Variants in PELP1 observed in about 807,000 individuals in gnomAD.
PELP1 encodes proline-, glutamic acid- and leucine-rich protein 1.
In PELP1, 32 loss-of-function variants were observed where a neutral mutation model predicts 95.5. That is an observed-to-expected ratio of 0.34 (90% CI 0.25 to 0.45). The LOEUF (loss-of-function observed/expected upper bound fraction) is 0.45, where lower values mean the gene tolerates loss of function less well. Among genes scored for constraint, PELP1 ranks in the 20% least tolerant of loss-of-function variants. The pLI, the probability that PELP1 is intolerant of heterozygous loss-of-function variation, is 1.00. For missense variants in PELP1, 1,358 were observed against 1,444.8 expected (o/e 0.94, Z 0.97); for synonymous variants, 668 against 600.1 (o/e 1.11, Z -1.65).
intron 1 of PELP1, among the ~76,000 whole-genome samples, chr17:4,694,426 C>T (rs1158625884): frequency 7.0e-6 from 1 of 142,786 alleles, no homozygotes; most frequent in Non-Finnish European, 1.5e-5. Flanking sequence ...CCAAGGTGGG[C>T]AGACCACCTG....
At chr17:4,694,907 T>C (rs936613972) in intron 1 of PELP1, among the ~76,000 whole-genome samples, 3 of 150,548 alleles carry the variant, frequency 2.0e-5, no homozygotes, top group Non-Finnish European at 4.4e-5. Context: ...AGAGAATCGC[T>C]TGAACCCGGG....
In PELP1 at chr17:4,673,477, C is replaced by T. The variant is rs1912324648; in HGVS notation, c.1639-21G>A. The T allele has an allele frequency of 1.3e-6, 2 of 1,580,950 alleles. No homozygotes were observed. Among genetic ancestry groups the T allele is most frequent in the East Asian group, 2.3e-5 (1 of 43,572 alleles). On this transcript the variant is annotated intron_variant, in intron 14 of 16. Coordinates refer to ENST00000572293, the MANE Select transcript of PELP1 (RefSeq NM_014389.3). The surrounding 1 kb of genome is among the most constrained non-coding windows in gnomAD (Gnocchi z 5.7). ...AGTCTCTGAAAAGGACAGAGCACAC[C>T]TGGAAACATCCCCAAGACCACCCAA... is the stretch of plus-strand genomic sequence containing the variant.
rs1428808981 is a variant in PELP1, at chr17:4,670,048, T to G, written c.*1391A>C. 3 of 152,190 alleles carry G rather than the reference T, an allele frequency of 2.0e-5. No individual in the cohort carries two copies. The highest frequency in any genetic ancestry group is 1.3e-4 in the Admixed American group (2 of 15,274). The allele number at this position is 152,190 out of a possible 1,614,324, so 9.4% of individuals were successfully genotyped here. A position where few individuals can be genotyped will look rare whatever the true frequency, so the allele number is the denominator to read the frequency against. ...CATGTCTACATGTAGATACGCAGTT[T>G]ATAGGGATAAGAGTTAACATGACTA... On this transcript the variant is annotated 3_prime_UTR_variant, in exon 17 of 17. Transcript: ENST00000572293.
intron 3 of PELP1, among the ~76,000 whole-genome samples, chr17:4,690,024 G>A (rs553584578): frequency 1.6e-4 from 24 of 152,044 alleles, no homozygotes; most frequent in Non-Finnish European, 2.9e-4. Context: ...AAACTCTGTC[G>A]AGAGAGAGAC....
At position 4,683,405 on chromosome 17, in the gene PELP1, A is replaced by T. The variant is rs555828603; in HGVS notation, c.421-453T>A. 3.6e-4 allele frequency among the ~76,000 whole-genome samples: 54 copies of T among 151,828 alleles called. 1 individual carries two copies. Among genetic ancestry groups the T allele is most frequent in the Admixed American group, 1.4e-3 (22 of 15,260 alleles). Reference sequence around the variant, plus strand: ...CTGACTAATTTTTTGTATTTTTAGTAGAGACGGGGTTTCACTATGTTAGCC... The same window carrying T: ...CTGACTAATTTTTTGTATTTTTAGTTGAGACGGGGTTTCACTATGTTAGCC... On this transcript the variant is annotated intron_variant, in intron 3 of 16. Coordinates refer to ENST00000572293, the MANE Select transcript of PELP1 (RefSeq NM_014389.3).
chr17:4,684,988 C>CA (rs1912854003), intron 3 of PELP1, among the ~76,000 whole-genome samples: 1 of 152,070 alleles, frequency 6.6e-6, no homozygotes, highest in Admixed American at 6.6e-5. Flanking sequence ...GGTGAGCCAC[C>CA]AAAAAAGTCT....
Position 4,675,171 on chromosome 17 carries a change from A to G in PELP1, c.1182T>C (p.Phe394=). 1.2e-6 allele frequency: 2 copies of G among 1,613,812 alleles called. No individual in the cohort carries two copies. Among genetic ancestry groups the G allele is most frequent in the East Asian group, 2.2e-5 (1 of 44,870 alleles). The change falls in exon 11 of 17, where the codon TTT becomes TTC. Residue 394 remains phenylalanine, a synonymous_variant. Transcript: ENST00000572293. The surrounding 1 kb of genome is among the most constrained non-coding windows in gnomAD (Gnocchi z 4.3). The part of the protein sequence containing the change: ...ILACGSRLLR[F]GILIGRLLPQ... ...GAAGCAGGCGGCCGATCAGGATCCC[A>G]AAGCGCAAGAGCCGGCTTCCACACC... is the stretch of plus-strand genomic sequence containing the variant.
chr17:4,678,225 A>AT (rs931605028), intron 5 of PELP1, among the ~76,000 whole-genome samples: 12 of 152,210 alleles, frequency 7.9e-5, no homozygotes, highest in Non-Finnish European at 1.6e-4. Context: ...GAAAAAAAAA[A>AT]GAATTAGTAA....
chr17:4,685,310 C>A (rs1399700350), intron 3 of PELP1, among the ~76,000 whole-genome samples: 1 of 152,176 alleles, frequency 6.6e-6, no homozygotes, highest in South Asian at 2.1e-4. Flanking sequence ...TTGGCCCCCC[C>A]AGCCCGCAAT....
chr17:4,689,120 T>C (rs892146924), intron 3 of PELP1, among the ~76,000 whole-genome samples: 1 of 152,162 alleles, frequency 6.6e-6, no homozygotes, highest in Non-Finnish European at 1.5e-5. Context: ...AACAAATGGT[T>C]CTGGGATAAT....
Position 4,671,304 on chromosome 17 carries a change from C to T in PELP1, c.*135G>A. 1.5e-6 allele frequency: 1 copy of T among 655,426 alleles called. No homozygotes were observed. The allele number at this position is 655,426 out of a possible 1,614,324, so 40.6% of individuals were successfully genotyped here. On this transcript the variant is annotated 3_prime_UTR_variant, in exon 17 of 17. Transcript: ENST00000572293. ...CAGCTATGGAGACATCTGGGGAATA[C>T]TATGGACACCCTGAAAAGCCCAGCA...
intron 1 of PELP1, among the ~76,000 whole-genome samples, chr17:4,695,493 C>G (rs1913262570): frequency 6.6e-6 from 1 of 150,990 alleles, no homozygotes; most frequent in Admixed American, 6.6e-5. Context: ...AGAGAGACAC[C>G]ATCTCTACAA....
Position 4,675,241 on chromosome 17 carries a change from T to A in PELP1, c.1157+33A>T. The stretch of plus-strand genomic sequence containing the variant: ...TGACCCTCGTTTCTGGCACGCCCTA[T>A]CCCTTCACCACAGCCAGCCCAATCC... On this transcript the variant is annotated intron_variant, in intron 10 of 16. Coordinates refer to ENST00000572293, the MANE Select transcript of PELP1 (RefSeq NM_014389.3). The surrounding 1 kb of genome is among the most constrained non-coding windows in gnomAD (Gnocchi z 4.3). The A allele has an allele frequency of 6.3e-7, 1 of 1,597,126 alleles. No homozygotes were observed.
At chr17:4,680,920 T>C (rs9909328) in intron 5 of PELP1, among the ~76,000 whole-genome samples, 7,070 of 152,282 alleles carry the variant, frequency 0.046, 502 homozygotes, top group African/African-American at 0.16. Flanking sequence ...CCATTCATGT[T>C]TGTTATTGTA....
intron 3 of PELP1, among the ~76,000 whole-genome samples, chr17:4,686,861 G>C (rs925816977): frequency 6.6e-6 from 1 of 152,012 alleles, no homozygotes; most frequent in Non-Finnish European, 1.5e-5. Context: ...CCTCATCCCT[G>C]CTTAAAACCT....
Position 4,670,041 on chromosome 17 carries a change from C to A in PELP1, c.*1398G>T, listed in dbSNP as rs75859578. On this transcript the variant is annotated 3_prime_UTR_variant, in exon 17 of 17. Coordinates refer to ENST00000572293, the MANE Select transcript of PELP1 (RefSeq NM_014389.3). ...ATAGATACATGTCTACATGTAGATA[C>A]GCAGTTTATAGGGATAAGAGTTAAC... 3 of 152,036 alleles carry A rather than the reference C, an allele frequency of 2.0e-5. No homozygotes were observed. The highest frequency in any genetic ancestry group is 6.6e-5 in the Admixed American group (1 of 15,238). The allele number at this position is 152,036 out of a possible 1,614,324, so 9.4% of individuals were successfully genotyped here.
intron 3 of PELP1, among the ~76,000 whole-genome samples, chr17:4,684,082 A>G (rs1912819385): frequency 6.6e-6 from 1 of 152,054 alleles, no homozygotes; most frequent in Non-Finnish European, 1.5e-5. Context: ...CATGGAGAAA[A>G]AACAATTTGA....
In PELP1 at chr17:4,674,531, C is replaced by G; in HGVS notation, c.1561G>C (p.Val521Leu). The G allele has an allele frequency of 6.2e-7, 1 of 1,613,166 alleles. No homozygotes were observed. The highest frequency in any genetic ancestry group is 8.5e-7 in the Non-Finnish European group (1 of 1,179,548). Residue 521 changes from valine (V) to leucine (L), a missense_variant, in exon 13 of 17, where the codon GTG (valine) becomes CTG (leucine). Physicochemically the swap from Val to Leu is conservative, Grantham distance 32. Coordinates refer to ENST00000572293, the MANE Select transcript of PELP1 (RefSeq NM_014389.3). ...CCACCTCTGAGTGCAGCCGCACACA[C>G]GTCGCTGTTGGCATTGCTATCCCCT... is the stretch of plus-strand genomic sequence containing the variant. ...RKGDSNANSD[V>L]CAAALRGLSR...
chr17:4,674,403 C>G (rs1053006527), intron 13 of PELP1, 107 bp downstream of exon 13: 2 of 1,026,160 alleles, frequency 1.9e-6, no homozygotes, highest in Non-Finnish European at 2.9e-6. Context: ...TAGGCACTCT[C>G]CCCACAAAAG....
Sources: allele counts gnomAD v4.1 joint callset (sites outside exome capture counted in the v4.1 genomes callset), GRCh38; gene constraint gnomAD v4.1.1; non-coding constraint Gnocchi (gnomAD v3.1); transcripts MANE v1.5; gene names NCBI Gene and HGNC (gene_info 2026-07-23, HGNC 2026-07-21).